The following TSPAN9 variants were observed in gnomAD, a reference collection of about 807,000 sequenced individuals.
The protein encoded by TSPAN9 is tetraspanin-9.
In TSPAN9, 16 loss-of-function variants were observed where a neutral mutation model predicts 31.0. That is an observed-to-expected ratio of 0.52 (90% CI 0.35 to 0.78). TSPAN9 has a LOEUF of 0.78. Ranked by LOEUF, TSPAN9 falls within the 30% of genes least tolerant of loss-of-function variation. The probability of loss-of-function intolerance (pLI) is 0.01; values close to 1 mark genes in which losing one functional copy is unlikely to be tolerated. For missense variants in TSPAN9, 272 were observed against 312.5 expected (o/e 0.87, Z 0.98); for synonymous variants, 145 against 121.6 (o/e 1.19, Z -1.27).
At chr12:3,226,692 GTGTGTGTGTGTGTGTA>G (rs1565622260) in intron 3 of TSPAN9, among the ~76,000 whole-genome samples, 40 of 17,238 alleles carry the variant, frequency 2.3e-3, no homozygotes, top group African/African-American at 5.9e-3. Context: ...GTGTGTGTGT[GTGTGTGTGTGTGTGTA>G]TGTGTATGTA....
Position 3,192,046 on chromosome 12 carries a change from G to A in TSPAN9, c.-17-9131G>A, listed in dbSNP as rs1027278978. On this transcript the variant is annotated intron_variant, in intron 2 of 8. Transcript: ENST00000011898. This position sits in a 1 kb window ranked among gnomAD's most constrained non-coding sequence, Gnocchi z 4.6. ...TCCAAGCAGAGGGAACAGCATGGGC[G>A]GAGGCTCTGAGGAGGTCAGAGCACC... 6.6e-6 allele frequency among the ~76,000 whole-genome samples: 1 copy of A among 152,152 alleles called. No homozygotes were observed. The highest frequency in any genetic ancestry group is 2.4e-5 in the African/African-American group (1 of 41,428).
intron 3 of TSPAN9, among the ~76,000 whole-genome samples, chr12:3,272,444 C>G (rs1033973833): frequency 1.3e-5 from 2 of 151,348 alleles, no homozygotes; most frequent in African/African-American, 4.9e-5. Flanking sequence ...CTGGGCCCTA[C>G]AATGGAAGAA....
chr12:3,246,209 T>C (rs542828439), intron 3 of TSPAN9, among the ~76,000 whole-genome samples: 1 of 151,722 alleles, frequency 6.6e-6, no homozygotes, highest in East Asian at 2.0e-4. Context: ...TGCCACACAC[T>C]TTCAAACGAC....
chr12:3,193,288 G>A (rs930957741), intron 2 of TSPAN9, among the ~76,000 whole-genome samples: 11 of 152,174 alleles, frequency 7.2e-5, no homozygotes, highest in African/African-American at 2.2e-4. Flanking sequence ...TGTGGTGTGA[G>A]CCGATTTCGG....
chr12:3,222,822 AGG>A (rs1328811595), intron 3 of TSPAN9, among the ~76,000 whole-genome samples: 1 of 152,152 alleles, frequency 6.6e-6, no homozygotes, highest in African/African-American at 2.4e-5. Context: ...ACCACCCCCC[AGG>A]TCCCACCCTG....
intron 3 of TSPAN9, among the ~76,000 whole-genome samples, chr12:3,246,663 C>T (rs1442371501): frequency 6.6e-6 from 1 of 152,230 alleles, no homozygotes; most frequent in Non-Finnish European, 1.5e-5. Flanking sequence ...CTGACCATGA[C>T]ACTCCCATTC....
At chr12:3,153,100 T>G (rs2098340646) in intron 2 of TSPAN9, among the ~76,000 whole-genome samples, 1 of 152,182 alleles carries the variant, frequency 6.6e-6, no homozygotes, top group African/African-American at 2.4e-5. Context: ...AGGGCAGGCC[T>G]TCCTTGAAGC....
chr12:3,098,341 G>T (rs987159965), intron 2 of TSPAN9, among the ~76,000 whole-genome samples: 5 of 152,218 alleles, frequency 3.3e-5, no homozygotes, highest in Admixed American at 6.5e-5. Context: ...ACCCATCTCA[G>T]CTGGGTTGTT....
At chr12:3,201,105 A>C in intron 2 of TSPAN9, 72 bp from the exon 3 acceptor site, 1 of 1,395,908 alleles carries the variant, frequency 7.2e-7, no homozygotes, top group South Asian at 1.2e-5. Flanking sequence ...GTTAAGACCG[A>C]CAAGTGCAAT....
At chr12:3,256,776 T>G (rs1239602364) in intron 3 of TSPAN9, among the ~76,000 whole-genome samples, 1 of 152,194 alleles carries the variant, frequency 6.6e-6, no homozygotes, top group Non-Finnish European at 1.5e-5. Flanking sequence ...GGAGCCATCA[T>G]GGAGCTGGAC....
At chr12:3,203,017 G>A (rs1041576927) in intron 3 of TSPAN9, among the ~76,000 whole-genome samples, 3 of 152,172 alleles carry the variant, frequency 2.0e-5, no homozygotes, top group Admixed American at 6.5e-5. Flanking sequence ...ATTGTTCACA[G>A]CTTCCTTCTC....
At chr12:3,109,034 T>C (rs190835816) in intron 2 of TSPAN9, among the ~76,000 whole-genome samples, 173 of 152,026 alleles carry the variant, frequency 1.1e-3, no homozygotes, top group Middle Eastern at 3.4e-3. Flanking sequence ...CTCTCGGGTT[T>C]ACACCATTCT....
At chr12:3,214,312 C>T (rs1203950309) in intron 3 of TSPAN9, among the ~76,000 whole-genome samples, 1 of 152,214 alleles carries the variant, frequency 6.6e-6, no homozygotes, top group Admixed American at 6.5e-5. Flanking sequence ...TCTTCTGTCT[C>T]ATAGGTGGTG....
intron 3 of TSPAN9, among the ~76,000 whole-genome samples, chr12:3,225,217 A>G (rs904827695): frequency 6.6e-6 from 1 of 152,078 alleles, no homozygotes; most frequent in African/African-American, 2.4e-5. Flanking sequence ...GAAGGCTTTC[A>G]TCCGACCCAC....
chr12:3,109,187 T>C (rs150269838), intron 2 of TSPAN9, among the ~76,000 whole-genome samples: 38,003 of 150,902 alleles, frequency 0.25, 5,035 homozygotes, highest in South Asian at 0.4. Context: ...CCGCCCGCCT[T>C]GGCCTCCCAG....
At position 3,103,183 on chromosome 12, in the gene TSPAN9, C is replaced by T. The variant is rs563524476; in HGVS notation, c.-18+19464C>T. Among the ~76,000 whole-genome samples, 3 of 152,322 alleles carry T rather than the reference C, an allele frequency of 2.0e-5. No individual in the cohort carries two copies. In the East Asian group the frequency reaches 5.8e-4, roughly 29 times the overall value. On this transcript the variant is annotated intron_variant, in intron 2 of 8. Coordinates refer to ENST00000011898, the MANE Select transcript of TSPAN9 (RefSeq NM_006675.5). ...ACTCACTGAAAAGAGATTTCCTGAG[C>T]CTGTTCTCTATTCCCCTTGGCTGCC... is the stretch of plus-strand genomic sequence containing the variant.
At chr12:3,217,707 C>T (rs2098382075) in intron 3 of TSPAN9, among the ~76,000 whole-genome samples, 1 of 151,716 alleles carries the variant, frequency 6.6e-6, no homozygotes, top group African/African-American at 2.4e-5. Context: ...TGCATCCCTT[C>T]ACCCCTTCAC....
chr12:3,145,247 G>A (rs1040214639), intron 2 of TSPAN9, among the ~76,000 whole-genome samples: 1 of 152,226 alleles, frequency 6.6e-6, no homozygotes, highest in East Asian at 1.9e-4. Context: ...TTGAGCACGT[G>A]CACAGCTCTC....
Position 3,285,002 on chromosome 12 carries a change from G to A in TSPAN9, c.*1886G>A, listed in dbSNP as rs559742871. Reference sequence around the variant, plus strand: ...TTTGTGGGGGTGGGAGTGGAGAGTAGGGTGGTCTTGTGAGTTGTGCAGGGT... The same window carrying A: ...TTTGTGGGGGTGGGAGTGGAGAGTAAGGTGGTCTTGTGAGTTGTGCAGGGT... On this transcript the variant is annotated 3_prime_UTR_variant, in exon 9 of 9. Transcript: ENST00000011898. 1.2e-4 allele frequency: 18 copies of A among 152,398 alleles called. No homozygotes were observed. Among genetic ancestry groups the A allele is most frequent in the African/African-American group, 4.3e-4 (18 of 41,564 alleles). 9.4% of individuals were successfully genotyped at this position (152,398 alleles called of 1,614,324 possible). A position where few individuals can be genotyped will look rare whatever the true frequency, so the allele number is the denominator to read the frequency against.
Sources: gnomAD v4.1 joint callset for allele counts (sites outside exome capture counted in the v4.1 genomes callset) on GRCh38, gnomAD v4.1.1 for gene constraint, Gnocchi (gnomAD v3.1) non-coding constraint, MANE v1.5 for transcripts, NCBI Gene and HGNC (gene_info 2026-07-23, HGNC 2026-07-21) for gene names.